GRIP1: variants seen among roughly 807,000 people sequenced by gnomAD.
GRIP1 encodes the protein glutamate receptor interacting protein 1, also known as glutamate receptor-interacting protein 1.
A neutral mutation model predicts 129.9 loss-of-function variants in GRIP1; 45 were observed. The observed-to-expected ratio is 0.35, with a 90% confidence interval of 0.27 to 0.44. GRIP1 has a LOEUF of 0.44. Ranked by LOEUF, GRIP1 falls within the 20% of genes least tolerant of loss-of-function variation. The pLI, the probability that GRIP1 is intolerant of heterozygous loss-of-function variation, is 1.00. For missense variants in GRIP1, 1,196 were observed against 1,396.8 expected, an observed-to-expected ratio of 0.86 and a Z score of 2.29; for synonymous variants, 530 against 520.8, an observed-to-expected ratio of 1.02 and a Z score of -0.24.
At chr12:66,778,867 C>T (rs1813202395) in intron 1 of GRIP1, among the ~76,000 whole-genome samples, 1 of 152,230 alleles carries the variant, frequency 6.6e-6, no homozygotes, top group Non-Finnish European at 1.5e-5. Flanking sequence ...GGAGCTTGTA[C>T]CAACACTGTC....
intron 1 of GRIP1, among the ~76,000 whole-genome samples, chr12:66,717,803 A>C (rs2035940148): frequency 6.6e-6 from 1 of 152,162 alleles, no homozygotes; most frequent in Non-Finnish European, 1.5e-5. Context: ...TGTTTAAAAA[A>C]ATTGATTTAA....
rs185804185 is a variant in GRIP1, at chr12:66,654,392, G to C, written c.55+24458C>G. ...TCCTACAGAAGAGGGTTGTAGAGAG[G>C]ATTTTTGGAAAGGTAAAAAAGGAAG... On this transcript the variant is annotated intron_variant, in intron 1 of 24. Transcript: ENST00000359742. 1.2e-4 allele frequency among the ~76,000 whole-genome samples: 19 copies of C among 152,286 alleles called. No individual in the cohort carries two copies. The East Asian group carries it at 3.1e-3, about 25-fold the overall frequency.
At chr12:66,493,154 T>C (rs1299412003) in intron 7 of GRIP1, among the ~76,000 whole-genome samples, 1 of 152,214 alleles carries the variant, frequency 6.6e-6, no homozygotes, top group Non-Finnish European at 1.5e-5. Flanking sequence ...AAAACCCCTC[T>C]GGGATGGGCC....
intron 1 of GRIP1, among the ~76,000 whole-genome samples, chr12:66,753,978 T>C (rs1270770996): frequency 6.6e-6 from 1 of 152,254 alleles, no homozygotes; most frequent in Non-Finnish European, 1.5e-5. Flanking sequence ...CACACTTGAA[T>C]GTCATGCTTA....
chr12:66,578,232 G>GTTTTTTTTT lies in GRIP1; in HGVS notation c.136+18606_136+18614dup, dbSNP rs547352236. Among the ~76,000 whole-genome samples, 969 of 102,484 alleles carry GTTTTTTTTT rather than the reference G, an allele frequency of 9.5e-3. 60 individuals carry two copies. Among genetic ancestry groups the GTTTTTTTTT allele is most frequent in the African/African-American group, 0.033 (911 of 27,388 alleles). 67.2% of individuals were successfully genotyped at this position (102,484 alleles called of 152,430 possible). A position where few individuals can be genotyped will look rare whatever the true frequency, so the allele number is the denominator to read the frequency against. On this transcript the variant is annotated intron_variant, in intron 2 of 24. Transcript: ENST00000359742. ...GCCTGACTAATATGGCAAAACCGCG[G>GTTTTTTTTT]TTTTTTTTTTTTTTTTTGTAAAAAT... is the stretch of plus-strand genomic sequence containing the variant.
At chr12:66,384,202 A>G (rs1379496131) in intron 19 of GRIP1, among the ~76,000 whole-genome samples, 1 of 144,304 alleles carries the variant, frequency 6.9e-6, no homozygotes, top group African/African-American at 2.6e-5. Context: ...ATTTAAATTT[A>G]AATGTCTAGA....
At chr12:66,861,975 T>C (rs1039456986) in intron 1 of GRIP1, among the ~76,000 whole-genome samples, 7 of 152,128 alleles carry the variant, frequency 4.6e-5, no homozygotes, top group Admixed American at 3.9e-4. Context: ...GTACTCAGTC[T>C]AGTCACAAGA....
At position 66,678,890 on chromosome 12, in the gene GRIP1, A is replaced by G. The variant is rs748689178; in HGVS notation, c.15T>C (p.Ser5=). The change falls in exon 1 of 25, where the codon TCT becomes TCC. Residue 5 remains serine, a synonymous_variant. Transcript: ENST00000359742. MIAV[S]FKCRCQILRR... The stretch of plus-strand genomic sequence containing the variant: ...TCAGAATTTGACAACGGCATTTAAA[A>G]GAGACAGCTATCATTCTTGCTCACT... 6.2e-7 allele frequency: 1 copy of G among 1,613,530 alleles called. No individual in the cohort carries two copies. The highest frequency in any genetic ancestry group is 1.3e-5 in the African/African-American group (1 of 75,018).
chr12:66,388,176 G>A (rs1320128168), intron 19 of GRIP1, among the ~76,000 whole-genome samples: 5 of 151,228 alleles, frequency 3.3e-5, no homozygotes, highest in African/African-American at 7.3e-5. Context: ...GTTACTAATC[G>A]AATCATGGGG....
intron 7 of GRIP1, among the ~76,000 whole-genome samples, chr12:66,487,103 A>G (rs970989934): frequency 2.0e-5 from 3 of 152,148 alleles, no homozygotes; most frequent in African/African-American, 7.2e-5. Flanking sequence ...AAATTTCTTA[A>G]AGGTCTTTCT....
At chr12:66,463,528 AT>A (rs1361315396) in intron 8 of GRIP1, among the ~76,000 whole-genome samples, 2 of 152,188 alleles carry the variant, frequency 1.3e-5, no homozygotes, top group East Asian at 3.8e-4. Flanking sequence ...AATAGGGTCT[AT>A]TTTATGTGTA....
intron 2 of GRIP1, among the ~76,000 whole-genome samples, chr12:66,564,491 A>G (rs374178215): frequency 1.4e-4 from 22 of 152,054 alleles, no homozygotes; most frequent in Admixed American, 1.4e-3. Flanking sequence ...ATTCCATGGT[A>G]TATATGTGCC....
At chr12:66,801,905 G>C (rs2038869303) in intron 1 of GRIP1, among the ~76,000 whole-genome samples, 1 of 152,004 alleles carries the variant, frequency 6.6e-6, no homozygotes, top group African/African-American at 2.4e-5. Context: ...GAAACACATG[G>C]GGTATAAACG....
At position 66,458,184 on chromosome 12, in the gene GRIP1, C is replaced by G. The variant is rs541455721; in HGVS notation, c.1043-1842G>C. Among the ~76,000 whole-genome samples the G allele has an allele frequency of 1.5e-3, 231 of 150,948 alleles. 1 individual carries two copies. The highest frequency in any genetic ancestry group is 2.0e-3 in the Non-Finnish European group (135 of 67,880). ...TAAACCATCTGGTCTGCTCCTTCTA[C>G]TCAACTGCCCTGTTTGTGGTTTGGA... is the stretch of plus-strand genomic sequence containing the variant. On this transcript the variant is annotated intron_variant, in intron 9 of 24. Transcript: ENST00000359742.
At chr12:66,461,443 A>G (rs2059133248) in intron 9 of GRIP1, among the ~76,000 whole-genome samples, 1 of 152,208 alleles carries the variant, frequency 6.6e-6, no homozygotes, top group Non-Finnish European at 1.5e-5. Flanking sequence ...CCTCTCTGCC[A>G]GAGTGCAGGA....
At chr12:66,429,020 T>A (rs529894421) in intron 14 of GRIP1, among the ~76,000 whole-genome samples, 168 of 152,328 alleles carry the variant, frequency 1.1e-3, no homozygotes, top group Non-Finnish European at 1.8e-3. Context: ...CTACAATAAA[T>A]CACTCTATAT....
chr12:66,993,125 T>A (rs67704146), intron 1 of GRIP1, among the ~76,000 whole-genome samples: 84,657 of 149,840 alleles, frequency 0.56, 24,503 homozygotes, highest in Non-Finnish European at 0.62. Context: ...AAAAAAAAAA[T>A]ATCACAAAGG....
chr12:66,498,366 A>C (rs947188056), intron 7 of GRIP1, among the ~76,000 whole-genome samples: 1 of 152,216 alleles, frequency 6.6e-6, no homozygotes, highest in Non-Finnish European at 1.5e-5. Context: ...AGAAGTACTA[A>C]ACAGTTAATT....
upstream of GRIP1, among the ~76,000 whole-genome samples, chr12:66,679,437 C>G (rs976790887): frequency 1.5e-4 from 7 of 46,394 alleles, no homozygotes; most frequent in Admixed American, 1.5e-3. Context: ...GTTCTTTAAA[C>G]AACAACCAAA....
Sources: allele counts gnomAD v4.1 joint callset (sites outside exome capture counted in the v4.1 genomes callset), GRCh38; gene constraint gnomAD v4.1.1; transcripts MANE v1.5; gene names NCBI Gene and HGNC (gene_info 2026-07-23, HGNC 2026-07-21).